The following MTUS1 variants were observed in gnomAD, a reference collection of about 807,000 sequenced individuals.
The protein encoded by MTUS1 is microtubule-associated tumor suppressor 1.
A neutral mutation model predicts 120.8 loss-of-function variants in MTUS1; 109 were observed. That is an observed-to-expected ratio of 0.90 (90% CI 0.77 to 1.06). The LOEUF is 1.06. Among genes scored for constraint, MTUS1 ranks in the 50% least tolerant of loss-of-function variants. MTUS1 has a pLI of 0.00. For synonymous variants in MTUS1, 737 were observed against 550.5 expected, an observed-to-expected ratio of 1.34 and a Z score of -4.74; for missense variants, 2,210 against 1,486.3, an observed-to-expected ratio of 1.49 and a Z score of -8.01.
At chr8:17,798,116 G>C (rs1586471538) in intron 1 of MTUS1, among the ~76,000 whole-genome samples, 1 of 152,146 alleles carries the variant, frequency 6.6e-6, no homozygotes, top group Non-Finnish European at 1.5e-5. Context: ...AATGGAGTGT[G>C]AGCCTACTTT....
At chr8:17,713,181 C>G (rs745780472) in intron 6 of MTUS1, 33 bp downstream of exon 6, 1 of 1,540,420 alleles carries the variant, frequency 6.5e-7, no homozygotes, top group East Asian at 2.3e-5. Context: ...CAAAAAGATT[C>G]TTTTTATCGC....
intron 2 of MTUS1, among the ~76,000 whole-genome samples, chr8:17,747,100 C>T (rs1264333970): frequency 2.0e-5 from 3 of 152,180 alleles, no homozygotes; most frequent in Non-Finnish European, 4.4e-5. Context: ...TAGGGTTAGA[C>T]ACCTTCTGTC....
chr8:17,655,145 C>G (rs1807928981), intron 9 of MTUS1: 1 of 157,054 alleles, frequency 6.4e-6, no homozygotes, highest in South Asian at 1.9e-4. Context: ...CACTCAGGCC[C>G]TAGCATGTGC....
chr8:17,720,661 G>C (rs1211884873), intron 4 of MTUS1, among the ~76,000 whole-genome samples: 1 of 152,104 alleles, frequency 6.6e-6, no homozygotes, highest in Non-Finnish European at 1.5e-5. Flanking sequence ...ACTCTCCCAA[G>C]ACCCCCTTCT....
At chr8:17,770,904 C>T (rs1342535643) in intron 1 of MTUS1, among the ~76,000 whole-genome samples, 1 of 152,164 alleles carries the variant, frequency 6.6e-6, no homozygotes, top group Non-Finnish European at 1.5e-5. Context: ...TTTTGCCTGT[C>T]AGATTAAATC....
chr8:17,661,525 T>C (rs186112002), intron 8 of MTUS1, among the ~76,000 whole-genome samples: 245 of 152,246 alleles, frequency 1.6e-3, no homozygotes, highest in Non-Finnish European at 2.4e-3. Context: ...CATCTGTTTA[T>C]GATAAAAATA....
intron 3 of MTUS1, among the ~76,000 whole-genome samples, chr8:17,729,587 T>C (rs1010720566): frequency 6.6e-6 from 1 of 152,156 alleles, no homozygotes; most frequent in African/African-American, 2.4e-5. Context: ...TTGTGAAAAT[T>C]ATAAAAATGA....
Position 17,755,917 on chromosome 8 carries a change from GT to G in MTUS1, c.-111del. The stretch of plus-strand genomic sequence containing the variant: ...CTAGGTTTTTCAGCACAGTTGAAAG[GT>G]TTTCAGTCTAAGATGCTCTGAAGAT... On this transcript the variant is annotated 5_prime_UTR_variant, in exon 2 of 15. Transcript: ENST00000693296. 1 of 1,471,344 alleles carries G rather than the reference GT, an allele frequency of 6.8e-7. No homozygotes were observed. The highest frequency in any genetic ancestry group is 8.9e-7 in the Non-Finnish European group (1 of 1,118,932). The allele number at this position is 1,471,344 out of a possible 1,614,324, so 91.1% of individuals were successfully genotyped here.
intron 2 of MTUS1, among the ~76,000 whole-genome samples, chr8:17,745,315 C>CTATGTACA (rs2047660346): frequency 6.6e-6 from 1 of 152,172 alleles, no homozygotes; most frequent in Non-Finnish European, 1.5e-5. Flanking sequence ...TGCATATAAC[C>CTATGTACA]TATGTACATC....
At chr8:17,686,339 A>G (rs1160271578) in intron 6 of MTUS1, among the ~76,000 whole-genome samples, 1 of 152,248 alleles carries the variant, frequency 6.6e-6, no homozygotes, top group Non-Finnish European at 1.5e-5. Context: ...AAATGTAATA[A>G]TATCTTGCTA....
intron 1 of MTUS1, among the ~76,000 whole-genome samples, chr8:17,799,023 T>A (rs952108826): frequency 2.0e-5 from 3 of 151,716 alleles, no homozygotes; most frequent in African/African-American, 7.3e-5. Flanking sequence ...AAGAATTTTT[T>A]TTTTTTCCCT....
At chr8:17,702,798 G>T (rs1417355323) in intron 6 of MTUS1, among the ~76,000 whole-genome samples, 2 of 152,170 alleles carry the variant, frequency 1.3e-5, no homozygotes, top group African/African-American at 4.8e-5. Context: ...CCACATCCTG[G>T]CTATCATAAT....
In MTUS1 at chr8:17,645,713, C is replaced by CT; in HGVS notation, c.*212dup. ...TCGATGCCGAAATCTTTTTTTAAAT[C>CT]TTTTTTTGGAGGAATCTTTTGGACG... is the stretch of plus-strand genomic sequence containing the variant. On this transcript the variant is annotated 3_prime_UTR_variant, in exon 15 of 15. Transcript: ENST00000693296. 3 of 548,876 alleles carry CT rather than the reference C, an allele frequency of 5.5e-6. No individual in the cohort carries two copies. Among genetic ancestry groups the CT allele is most frequent in the South Asian group, 8.0e-5 (2 of 24,938 alleles). 34.0% of individuals were successfully genotyped at this position (548,876 alleles called of 1,614,324 possible). A position where few individuals can be genotyped will look rare whatever the true frequency, so the allele number is the denominator to read the frequency against.
chr8:17,796,881 C>G (rs10094836), intron 1 of MTUS1, among the ~76,000 whole-genome samples: 125,431 of 152,188 alleles, frequency 0.82, 52,124 homozygotes, highest in Non-Finnish European at 0.86. Flanking sequence ...GGGAGGCTGA[C>G]GTAGGCAATC....
intron 1 of MTUS1, among the ~76,000 whole-genome samples, chr8:17,757,018 C>G (rs1033568030): frequency 6.6e-6 from 1 of 152,076 alleles, no homozygotes; most frequent in African/African-American, 2.4e-5. Flanking sequence ...TACCACATGC[C>G]CCAGCAATTC....
Position 17,684,435 on chromosome 8 carries a change from T to C in MTUS1, c.2731A>G (p.Lys911Glu). Residue 911 changes from lysine (K) to glutamate (E), a missense_variant, in exon 7 of 15, where the codon AAA becomes GAA. Coordinates refer to ENST00000693296, the MANE Select transcript of MTUS1 (RefSeq NM_001363059.2). ...ATAAATCCACTTTGGTTTTCACATT[T>C]TGTTTTATATTGCGTCAATTCAAGT... The part of the protein sequence containing the change: ...KTLELTQYKT[K>E]CENQSGFILQ... 1 of 1,614,200 alleles carries C rather than the reference T, an allele frequency of 6.2e-7. No individual in the cohort carries two copies. Among genetic ancestry groups the C allele is most frequent in the Non-Finnish European group, 8.5e-7 (1 of 1,180,022 alleles).
intron 1 of MTUS1, among the ~76,000 whole-genome samples, chr8:17,799,823 A>G (rs1186758086): frequency 6.6e-6 from 1 of 152,204 alleles, no homozygotes; most frequent in Non-Finnish European, 1.5e-5. Flanking sequence ...ATAAATAACT[A>G]CATATTATTT....
chr8:17,721,860 A>G, intron 4 of MTUS1: 1 of 1,614,124 alleles, frequency 6.2e-7, no homozygotes, highest in East Asian at 2.2e-5. Flanking sequence ...TTGAAGAAAT[A>G]TCAGTTTCTG....
rs567938757 is a variant in MTUS1 at position 17,663,450 on chromosome 8, A to G, written c.2906-7385T>C. Reference sequence around the variant, plus strand: ...TAGCATGGTTCATTATGAGACGACCAAAAATATTTTAATGCTCAAGAACAT... The same window carrying G: ...TAGCATGGTTCATTATGAGACGACCGAAAATATTTTAATGCTCAAGAACAT... On this transcript the variant is annotated intron_variant, in intron 8 of 14. Coordinates refer to ENST00000693296, the MANE Select transcript of MTUS1 (RefSeq NM_001363059.2). Among the ~76,000 whole-genome samples, 6 of 152,344 alleles carry G rather than the reference A, an allele frequency of 3.9e-5. No individual in the cohort carries two copies. In the East Asian group the frequency reaches 1.2e-3, roughly 29 times the overall value.
Sources: allele counts gnomAD v4.1 joint callset (sites outside exome capture counted in the v4.1 genomes callset), GRCh38; gene constraint gnomAD v4.1.1; transcripts MANE v1.5; gene names NCBI Gene and HGNC (gene_info 2026-07-23, HGNC 2026-07-21).